The following ATG7 variants were observed in gnomAD, a reference collection of about 807,000 sequenced individuals.
ATG7 encodes ubiquitin-like modifier-activating enzyme ATG7.
A neutral mutation model predicts 82.4 loss-of-function variants in ATG7; 70 were observed. The ratio of observed to expected loss-of-function variants is 0.85; its 90% CI spans 0.70 to 1.04. The LOEUF (loss-of-function observed/expected upper bound fraction) is 1.04. Ranked by LOEUF, ATG7 falls within the 50% of genes least tolerant of loss-of-function variation. ATG7 has a pLI of 0.00. For missense variants in ATG7, 792 were observed against 864.3 expected (o/e 0.92, Z 1.05); for synonymous variants, 287 against 313.0 (o/e 0.92, Z 0.88).
In ATG7 at chr3:11,505,951, C is replaced by T. The variant is rs117359366; in HGVS notation, c.2080-48860C>T. ...CATGATTAGTAAAGTCACTAAGCCC[C>T]TTTGAGAGCAAGATCAAGGCAGTCA... On this transcript the variant is annotated intron_variant, in intron 20 of 20. Transcript: ENST00000693202. 8.4e-3 allele frequency among the ~76,000 whole-genome samples: 1,274 copies of T among 152,300 alleles called. 6 individuals carry two copies. The highest frequency in any genetic ancestry group is 0.025 in the East Asian group (129 of 5,188).
At chr3:11,380,729 C>G (rs1559505391) in intron 19 of ATG7, among the ~76,000 whole-genome samples, 2 of 152,166 alleles carry the variant, frequency 1.3e-5, no homozygotes, top group Non-Finnish European at 2.9e-5. Flanking sequence ...AGCGACTTGA[C>G]CTGGGCTTTT....
chr3:11,449,333 G>C (rs970709570), intron 20 of ATG7, among the ~76,000 whole-genome samples: 2 of 152,110 alleles, frequency 1.3e-5, no homozygotes, highest in Non-Finnish European at 2.9e-5. Context: ...GATTGCCACT[G>C]CACTCCAGCC....
intron 20 of ATG7, among the ~76,000 whole-genome samples, chr3:11,497,584 C>T (rs12714866): frequency 0.53 from 77,818 of 147,820 alleles, 21,475 homozygotes; most frequent in East Asian, 0.66. Context: ...CCTGATTTTC[C>T]GTAGTCTTTA....
Position 11,555,970 on chromosome 3 carries a change from G to GTTCA in ATG7, c.*1128_*1131dup, listed in dbSNP as rs1190293773. On this transcript the variant is annotated 3_prime_UTR_variant, in exon 21 of 21. Coordinates refer to ENST00000693202, the MANE Select transcript of ATG7 (RefSeq NM_001349232.2). The stretch of plus-strand genomic sequence containing the variant: ...GCCAGTCCAAGTTCCAGTGGCTGTC[G>GTTCA]TTCAGCTCATGGGAGCTTCATGGGG... The GTTCA allele has an allele frequency of 6.6e-6, 1 of 152,660 alleles. No homozygotes were observed. Among genetic ancestry groups the GTTCA allele is most frequent in the Non-Finnish European group, 1.5e-5 (1 of 68,052 alleles). The allele number at this position is 152,660 out of a possible 1,614,324, so 9.5% of individuals were successfully genotyped here.
chr3:11,377,230 CTG>C (rs2077488153), intron 18 of ATG7, among the ~76,000 whole-genome samples: 1 of 152,206 alleles, frequency 6.6e-6, no homozygotes, highest in Non-Finnish European at 1.5e-5. Flanking sequence ...TTATCTAAAA[CTG>C]GAATTATTTT....
At chr3:11,433,202 G>C (rs956966796) in intron 20 of ATG7, among the ~76,000 whole-genome samples, 2 of 148,480 alleles carry the variant, frequency 1.3e-5, no homozygotes, top group African/African-American at 5.0e-5. Flanking sequence ...AGGATCACTT[G>C]AGCCCAGGAG....
At chr3:11,428,420 G>A (rs1199149905) in intron 20 of ATG7, among the ~76,000 whole-genome samples, 1 of 152,182 alleles carries the variant, frequency 6.6e-6, no homozygotes, top group Non-Finnish European at 1.5e-5. Flanking sequence ...CACCAGGGAG[G>A]CAAGATAGTA....
intron 14 of ATG7, among the ~76,000 whole-genome samples, chr3:11,351,186 A>G (rs552120364): frequency 2.0e-5 from 3 of 152,294 alleles, no homozygotes; most frequent in East Asian, 3.9e-4. Flanking sequence ...TTCCAGGGAC[A>G]GGGGAACTAG....
rs1037044442 is a variant in ATG7, at chr3:11,496,966, C to G, written c.2080-57845C>G. Among the ~76,000 whole-genome samples the G allele has an allele frequency of 5.3e-5, 8 of 151,894 alleles. No homozygotes were observed. In the East Asian group the frequency reaches 7.8e-4, roughly 15 times the overall value. On this transcript the variant is annotated intron_variant, in intron 20 of 20. Coordinates refer to ENST00000693202, the MANE Select transcript of ATG7 (RefSeq NM_001349232.2). ...CCTCTGTTTCAAGTGATTCTCCTGC[C>G]TCAGCCTCCTGAGGAGCTGGGATTA... is the stretch of plus-strand genomic sequence containing the variant.
intron 20 of ATG7, among the ~76,000 whole-genome samples, chr3:11,483,924 C>T (rs754125447): frequency 6.6e-6 from 1 of 152,100 alleles, no homozygotes; most frequent in Non-Finnish European, 1.5e-5. Context: ...GAAAATGAAC[C>T]TAGCAAGAAA....
chr3:11,298,838 A>C lies in ATG7; in HGVS notation c.143A>C (p.Lys48Thr), dbSNP rs1469734083. 2 of 1,614,002 alleles carry C rather than the reference A, an allele frequency of 1.2e-6. No individual in the cohort carries two copies. The highest frequency in any genetic ancestry group is 1.7e-6 in the Non-Finnish European group (2 of 1,179,964). ...YRLDEAPKDI[K>T]GYYYNGDSAG... ...CTGGATGAAGCTCCCAAGGACATTAAGGGTTATTACTACAATGGTAGGTGA... is the reference window on the plus strand; with the variant it reads ...CTGGATGAAGCTCCCAAGGACATTACGGGTTATTACTACAATGGTAGGTGA... The change falls in exon 4 of 21, where the codon AAG becomes ACG. Residue 48 changes from lysine (K) to threonine (T), a missense_variant. Coordinates refer to ENST00000693202, the MANE Select transcript of ATG7 (RefSeq NM_001349232.2).
the ATG7 span, chr3:11,564,640 C>T: frequency 3.6e-6 from 3 of 829,626 alleles, no homozygotes; most frequent in Non-Finnish European, 1.8e-6. Flanking sequence ...GTCCCAAGTG[C>T]ACAACAGAGG....
chr3:11,292,490 C>T (rs767876204), intron 3 of ATG7, among the ~76,000 whole-genome samples: 9 of 152,104 alleles, frequency 5.9e-5, no homozygotes, highest in Non-Finnish European at 8.8e-5. Context: ...GAGCTCTTGA[C>T]CTCAGGTGAT....
intron 9 of ATG7, 33 bp from the exon 10 acceptor site, chr3:11,331,307 T>A (rs1226335545): frequency 6.6e-7 from 1 of 1,511,900 alleles, no homozygotes; most frequent in Non-Finnish European, 9.2e-7. Context: ...GACATGATAC[T>A]CGACTTACTC....
chr3:11,447,204 G>A (rs181599321), intron 20 of ATG7, among the ~76,000 whole-genome samples: 5 of 152,180 alleles, frequency 3.3e-5, no homozygotes. Context: ...AGTGGCTTAC[G>A]CCTGTAATCC....
At chr3:11,397,554 T>C (rs1017384635) in intron 19 of ATG7, among the ~76,000 whole-genome samples, 3 of 151,862 alleles carry the variant, frequency 2.0e-5, no homozygotes, top group Non-Finnish European at 4.4e-5. Flanking sequence ...ATCTCCCAGG[T>C]TCAAATGATT....
chr3:11,422,841 G>A (rs1389042470), intron 19 of ATG7, among the ~76,000 whole-genome samples: 10 of 131,348 alleles, frequency 7.6e-5, no homozygotes, highest in African/African-American at 1.7e-4. Context: ...TGCAACGTCC[G>A]CCTCCTGGGT....
chr3:11,375,849 G>A (rs1226325655), intron 18 of ATG7, among the ~76,000 whole-genome samples: 4 of 152,256 alleles, frequency 2.6e-5, no homozygotes, highest in Non-Finnish European at 4.4e-5. Flanking sequence ...GAGCCACTGC[G>A]CCTGGCCAAG....
intron 11 of ATG7, 42 bp downstream of exon 11, chr3:11,333,135 T>C: frequency 2.0e-6 from 3 of 1,501,340 alleles, no homozygotes; most frequent in Non-Finnish European, 2.7e-6. Context: ...TTATCATTTA[T>C]CAGAAACGGA....
Sources: allele counts gnomAD v4.1 joint callset (sites outside exome capture counted in the v4.1 genomes callset), GRCh38; gene constraint gnomAD v4.1.1; transcripts MANE v1.5; gene names NCBI Gene and HGNC (gene_info 2026-07-23, HGNC 2026-07-21).